The following FGGY variants were observed in gnomAD, a reference collection of about 807,000 sequenced individuals.
FGGY encodes the protein FGGY carbohydrate kinase domain-containing protein.
In FGGY, 72 loss-of-function variants were observed where a neutral mutation model predicts 71.3. That is an observed-to-expected ratio of 1.01 (90% CI 0.84 to 1.23). The LOEUF (loss-of-function observed/expected upper bound fraction) is 1.23, where lower values mean the gene tolerates loss of function less well. Ranked by LOEUF, FGGY falls within the 50% of genes most tolerant of loss-of-function variation. The probability of loss-of-function intolerance (pLI) is 0.00; values close to 1 mark genes in which losing one functional copy is unlikely to be tolerated. For synonymous variants in FGGY, 251 were observed against 250.3 expected (o/e 1.00, Z -0.02); for missense variants, 668 against 682.3 (o/e 0.98, Z 0.23).
chr1:59,471,990 C>T (rs899434067), intron 6 of FGGY, among the ~76,000 whole-genome samples: 23 of 152,350 alleles, frequency 1.5e-4, no homozygotes, highest in East Asian at 1.4e-3. Context: ...AGCCCTCGCT[C>T]GCTCTCCGCG....
chr1:59,550,171 A>G (rs1315936803), intron 7 of FGGY, among the ~76,000 whole-genome samples: 1 of 152,132 alleles, frequency 6.6e-6, no homozygotes, highest in African/African-American at 2.4e-5. Flanking sequence ...ATAAACTGAC[A>G]CTGGTATGGT....
Position 59,512,110 on chromosome 1 carries a change from C to T in FGGY, c.671-201C>T, listed in dbSNP as rs539349830. Among the ~76,000 whole-genome samples the T allele has an allele frequency of 9.2e-5, 14 of 152,242 alleles. No homozygotes were observed. In the South Asian group the frequency reaches 2.9e-3, roughly 32 times the overall value. On this transcript the variant is annotated intron_variant, in intron 6 of 15. Transcript: ENST00000303721. ...TTAGAGTTCCTTGTTTGTAAAGCTC[C>T]ACAAAGCATGACCCATAGGTACCAA... is the stretch of plus-strand genomic sequence containing the variant.
intron 14 of FGGY, among the ~76,000 whole-genome samples, chr1:59,695,853 T>A (rs1241805948): frequency 2.6e-5 from 4 of 152,148 alleles, no homozygotes; most frequent in African/African-American, 9.7e-5. Flanking sequence ...TGACATATTA[T>A]CCTGAGATGT....
intron 8 of FGGY, among the ~76,000 whole-genome samples, chr1:59,565,695 C>CA (rs1322766320): frequency 6.6e-6 from 1 of 152,164 alleles, no homozygotes; most frequent in African/African-American, 2.4e-5. Flanking sequence ...ACCATAAACA[C>CA]ACGTGTTTTG....
At chr1:59,372,605 A>G (rs1469226545) in intron 4 of FGGY, among the ~76,000 whole-genome samples, 1 of 152,200 alleles carries the variant, frequency 6.6e-6, no homozygotes, top group African/African-American at 2.4e-5. Flanking sequence ...AGACACAATT[A>G]AAAAAGAGAA....
At chr1:59,299,116 T>A (rs1019203906) in intron 1 of FGGY, among the ~76,000 whole-genome samples, 1 of 152,080 alleles carries the variant, frequency 6.6e-6, no homozygotes, top group Non-Finnish European at 1.5e-5. Flanking sequence ...GGGAAGCCAT[T>A]TGGGGAGGAC....
intron 6 of FGGY, among the ~76,000 whole-genome samples, chr1:59,466,340 A>C (rs1023498526): frequency 2.6e-5 from 4 of 152,162 alleles, no homozygotes; most frequent in Non-Finnish European, 4.4e-5. Context: ...CTTATACCTT[A>C]TACAAAAATT....
At chr1:59,444,615 T>A (rs537465777) in intron 5 of FGGY, among the ~76,000 whole-genome samples, 6 of 152,132 alleles carry the variant, frequency 3.9e-5, no homozygotes, top group Non-Finnish European at 7.4e-5. Flanking sequence ...AGGTGGGCGG[T>A]GGGCTAGTGA....
intron 5 of FGGY, among the ~76,000 whole-genome samples, chr1:59,433,027 T>C (rs1313023484): frequency 3.3e-5 from 5 of 152,234 alleles, no homozygotes; most frequent in African/African-American, 1.2e-4. Context: ...GAAAAGGACA[T>C]ATCCAACTGA....
At chr1:59,350,717 G>A (rs534768879) in intron 4 of FGGY, among the ~76,000 whole-genome samples, 2 of 152,346 alleles carry the variant, frequency 1.3e-5, no homozygotes, top group East Asian at 1.9e-4. Flanking sequence ...GTGAGAAAAT[G>A]TGTGTGGGGG....
chr1:59,399,560 A>G (rs1183593260), intron 5 of FGGY, among the ~76,000 whole-genome samples: 1 of 152,178 alleles, frequency 6.6e-6, no homozygotes, highest in Non-Finnish European at 1.5e-5. Context: ...CCACAGTTTC[A>G]TCATTTGTAA....
chr1:59,536,992 G>T (rs1363432060), intron 7 of FGGY, among the ~76,000 whole-genome samples: 1 of 151,960 alleles, frequency 6.6e-6, no homozygotes, highest in Non-Finnish European at 1.5e-5. Context: ...GGAAGTTCTG[G>T]CCAGGGCAAT....
At chr1:59,562,693 C>A (rs1273957169) in intron 8 of FGGY, among the ~76,000 whole-genome samples, 1 of 152,130 alleles carries the variant, frequency 6.6e-6, no homozygotes, top group Non-Finnish European at 1.5e-5. Context: ...CTTGCAAAAG[C>A]AAACTAATAT....
At chr1:59,373,873 C>G (rs1164329790) in intron 4 of FGGY, among the ~76,000 whole-genome samples, 1 of 152,334 alleles carries the variant, frequency 6.6e-6, no homozygotes. Context: ...GAAACTGGAT[C>G]CCTTCCTTAC....
intron 11 of FGGY, among the ~76,000 whole-genome samples, chr1:59,651,784 A>T (rs1209017763): frequency 2.7e-5 from 4 of 149,410 alleles, no homozygotes; most frequent in African/African-American, 7.4e-5. Flanking sequence ...TGTGAATTTG[A>T]TCCTGTCATT....
intron 7 of FGGY, among the ~76,000 whole-genome samples, chr1:59,553,500 C>G (rs1359972713): frequency 6.6e-6 from 1 of 152,180 alleles, no homozygotes; most frequent in Non-Finnish European, 1.5e-5. Context: ...TGCTATTTGG[C>G]ATTCTGTTAC....
intron 4 of FGGY, among the ~76,000 whole-genome samples, chr1:59,357,080 A>C (rs957752457): frequency 6.6e-6 from 1 of 152,186 alleles, no homozygotes; most frequent in Non-Finnish European, 1.5e-5. Flanking sequence ...CTGTTAGGGC[A>C]TGTGTTGTGG....
intron 14 of FGGY, among the ~76,000 whole-genome samples, chr1:59,753,467 A>AATATAT (rs57074120): frequency 0.015 from 731 of 47,740 alleles, 48 homozygotes; most frequent in Non-Finnish European, 0.02. Flanking sequence ...CATAACTTTA[A>AATATAT]ATATATATAT....
At chr1:59,387,270 C>T (rs867121158) in intron 5 of FGGY, among the ~76,000 whole-genome samples, 35 of 151,952 alleles carry the variant, frequency 2.3e-4, no homozygotes, top group African/African-American at 6.0e-4. Flanking sequence ...CTTTGTACAA[C>T]TTATTTTTTT....
Sources: allele counts gnomAD v4.1 joint callset (sites outside exome capture counted in the v4.1 genomes callset), GRCh38; gene constraint gnomAD v4.1.1; transcripts MANE v1.5; gene names NCBI Gene and HGNC (gene_info 2026-07-23, HGNC 2026-07-21).